Variants in MTA3 observed in about 807,000 individuals in gnomAD.
MTA3 encodes the protein metastasis associated 1 family member 3.
Under a neutral mutation model 83.5 loss-of-function variants are expected in MTA3, and 34 were observed. The ratio of observed to expected loss-of-function variants is 0.41; its 90% CI spans 0.31 to 0.54. The LOEUF (loss-of-function observed/expected upper bound fraction) is 0.54, where lower values mean the gene tolerates loss of function less well. Ranked by LOEUF, MTA3 falls within the 20% of genes least tolerant of loss-of-function variation. The probability of loss-of-function intolerance (pLI) is 0.33; values close to 1 mark genes in which losing one functional copy is unlikely to be tolerated. For synonymous variants in MTA3, 303 were observed against 252.7 expected, an observed-to-expected ratio of 1.20 and a Z score of -1.89; for missense variants, 761 against 726.4, an observed-to-expected ratio of 1.05 and a Z score of -0.55.
intron 8 of MTA3, among the ~76,000 whole-genome samples, chr2:42,660,192 G>A (rs1053833395): frequency 2.6e-4 from 39 of 152,094 alleles, no homozygotes; most frequent in African/African-American, 9.4e-4. Flanking sequence ...GGGTTCAAGT[G>A]ATTCTCGTGC....
At chr2:42,659,527 AT>A (rs891211947) in intron 7 of MTA3, 12 of 205,292 alleles carry the variant, frequency 5.8e-5, no homozygotes, top group Non-Finnish European at 7.7e-5. Context: ...TGCACAGGCT[AT>A]TTTTTTTCTT....
chr2:42,606,458 G>T (rs1413584880), intron 3 of MTA3, among the ~76,000 whole-genome samples: 1 of 150,148 alleles, frequency 6.7e-6, no homozygotes, highest in Non-Finnish European at 1.5e-5. Flanking sequence ...CATCTCAGAC[G>T]ATCTCCTCAC....
intron 2 of MTA3, among the ~76,000 whole-genome samples, chr2:42,497,914 A>C (rs10166222): frequency 0.46 from 69,795 of 152,008 alleles, 16,683 homozygotes; most frequent in African/African-American, 0.57. Flanking sequence ...TGATTTGTCT[A>C]AACATGTGAC....
chr2:42,546,498 C>CT (rs1676764831), intron 2 of MTA3, among the ~76,000 whole-genome samples: 1 of 130,204 alleles, frequency 7.7e-6, no homozygotes, highest in Admixed American at 7.5e-5. Flanking sequence ...TTTGGTCATC[C>CT]TTTTTCTAAT....
At position 42,708,881 on chromosome 2, in the gene MTA3, G is replaced by A. The variant is rs769132170; in HGVS notation, c.1310G>A (p.Arg437His). ...TGTTTTCTGATTTTGCAGGACCCTC[G>A]TGTTAGAAGTCACGTGTCCCGCCAG... is the stretch of plus-strand genomic sequence containing the variant. The part of the protein sequence containing the change: ...LSPSPTTEDP[R>H]VRSHVSRQAM... Residue 437 changes from arginine to histidine, a missense_variant, in exon 14 of 17, where the codon CGT becomes CAT. Arg to His is a conservative substitution (Grantham distance 29). Coordinates refer to ENST00000405094, the MANE Select transcript of MTA3 (RefSeq NM_001330442.2). The A allele has an allele frequency of 1.3e-5, 21 of 1,613,758 alleles. No individual in the cohort carries two copies. In the South Asian group the frequency reaches 1.3e-4, roughly 10 times the overall value.
chr2:42,553,287 G>A (rs917660403), intron 2 of MTA3, among the ~76,000 whole-genome samples: 1 of 151,958 alleles, frequency 6.6e-6, no homozygotes, highest in East Asian at 1.9e-4. Context: ...CGCCGGGCAT[G>A]GTGGCGGGTG....
intron 6 of MTA3, among the ~76,000 whole-genome samples, chr2:42,651,664 G>T (rs1005642055): frequency 6.6e-6 from 1 of 152,032 alleles, no homozygotes; most frequent in African/African-American, 2.4e-5. Flanking sequence ...GGGCATGGTG[G>T]TGCGTGCCTG....
At chr2:42,664,449 C>CTCA (rs1690028784) in intron 8 of MTA3, among the ~76,000 whole-genome samples, 1 of 148,338 alleles carries the variant, frequency 6.7e-6, no homozygotes, top group Non-Finnish European at 1.5e-5. Flanking sequence ...GTCCTACTAC[C>CTCA]CCCTCACCCC....
At chr2:42,711,019 C>G (rs1390689521) in intron 14 of MTA3, among the ~76,000 whole-genome samples, 1 of 152,106 alleles carries the variant, frequency 6.6e-6, no homozygotes, top group Non-Finnish European at 1.5e-5. Flanking sequence ...GCAGAGGTTG[C>G]AGTGAGCTGA....
intron 3 of MTA3, among the ~76,000 whole-genome samples, chr2:42,591,634 T>TTTCTCTTTTA: frequency 6.7e-6 from 1 of 150,210 alleles, no homozygotes; most frequent in East Asian, 2.0e-4. Flanking sequence ...GCTTTTTTTC[T>TTTCTCTTTTA]TTTTATTTTA....
Position 42,755,423 on chromosome 2 carries a change from G to T in MTA3, c.*2024G>T, listed in dbSNP as rs1670175295. The T allele has an allele frequency of 1.0e-6, 1 of 985,476 alleles. No homozygotes were observed. Among genetic ancestry groups the T allele is most frequent in the Admixed American group, 6.1e-5 (1 of 16,300 alleles). The allele number at this position is 985,476 out of a possible 1,614,324, so 61.0% of individuals were successfully genotyped here. The stretch of plus-strand genomic sequence containing the variant: ...AGGCCAGGTCTGAAGCAGGAGAAGG[G>T]AGGCCCCTCCTATCTACCCAGTTGA... On this transcript the variant is annotated 3_prime_UTR_variant, in exon 17 of 17. Transcript: ENST00000405094.
chr2:42,640,105 T>A, intron 4 of MTA3, 68 bp from the exon 5 acceptor site: 1 of 1,164,082 alleles, frequency 8.6e-7, no homozygotes, highest in South Asian at 1.4e-5. Flanking sequence ...TTCTTAACTT[T>A]GTATTTCTCA....
At chr2:42,549,565 A>G (rs1406833706) in intron 2 of MTA3, among the ~76,000 whole-genome samples, 1 of 116,848 alleles carries the variant, frequency 8.6e-6, no homozygotes, top group Non-Finnish European at 1.6e-5. Flanking sequence ...TTATATACAT[A>G]TACATATATA....
intron 8 of MTA3, among the ~76,000 whole-genome samples, chr2:42,671,749 G>T (rs1690812193): frequency 6.6e-6 from 1 of 152,172 alleles, no homozygotes; most frequent in South Asian, 2.1e-4. Flanking sequence ...CTTTGAGAAT[G>T]TGGTCAGAGA....
intron 4 of MTA3, among the ~76,000 whole-genome samples, chr2:42,632,786 TTCCTC>T (rs1686811616): frequency 6.6e-6 from 1 of 152,190 alleles, no homozygotes; most frequent in Non-Finnish European, 1.5e-5. Context: ...TGGCTTTTCA[TTCCTC>T]TACTTTGTGT....
At chr2:42,563,745 T>G (rs558381720), upstream of MTA3, among the ~76,000 whole-genome samples, 2 of 151,608 alleles carry the variant, frequency 1.3e-5, no homozygotes, top group South Asian at 4.2e-4. Context: ...GGATTACAGG[T>G]GTCAGCCACC....
At chr2:42,494,593 G>C (rs922795449) in exon 1 of MTA3, 16 of 152,424 alleles carry the variant, frequency 1.0e-4, no homozygotes, top group African/African-American at 3.8e-4. Context: ...CTGCCAGCCC[G>C]CGGAGGGAAG....
intron 12 of MTA3, among the ~76,000 whole-genome samples, chr2:42,707,142 T>C (rs1666167206): frequency 1.3e-5 from 2 of 152,106 alleles, no homozygotes; most frequent in Admixed American, 1.3e-4. Context: ...CAGATACCTG[T>C]TTTTATTAGA....
intron 14 of MTA3, among the ~76,000 whole-genome samples, chr2:42,716,480 T>TCACCCTC (rs1214163977): frequency 2.0e-5 from 3 of 152,114 alleles, no homozygotes; most frequent in East Asian, 3.9e-4. Flanking sequence ...GTCCCTCCTC[T>TCACCCTC]CACCCTCCAC....
Sources: allele counts gnomAD v4.1 joint callset (sites outside exome capture counted in the v4.1 genomes callset), GRCh38; gene constraint gnomAD v4.1.1; transcripts MANE v1.5; gene names NCBI Gene and HGNC (gene_info 2026-07-23, HGNC 2026-07-21).